TFAP2E: variants seen among roughly 807,000 people sequenced by gnomAD.
TFAP2E encodes the protein transcription factor AP-2-epsilon.
TFAP2E carries 30 observed loss-of-function variants against 37.9 expected under a neutral mutation model. That is an observed-to-expected ratio of 0.79 (90% confidence interval 0.59 to 1.07). TFAP2E has a LOEUF of 1.07. Ranked by LOEUF, TFAP2E falls within the 50% of genes least tolerant of loss-of-function variation. TFAP2E has a pLI of 0.00. For missense variants in TFAP2E, 567 were observed against 637.9 expected, an observed-to-expected ratio of 0.89 and a Z score of 1.20; for synonymous variants, 318 against 295.8, an observed-to-expected ratio of 1.08 and a Z score of -0.77.
chr1:35,585,684 T>C (rs1649461522), intron 3 of TFAP2E, among the ~76,000 whole-genome samples: 1 of 152,194 alleles, frequency 6.6e-6, no homozygotes, highest in Non-Finnish European at 1.5e-5. Flanking sequence ...AAATAAAATA[T>C]ACTAAATAGT....
At chr1:35,591,031 C>T (rs1649656159) in intron 6 of TFAP2E, among the ~76,000 whole-genome samples, 1 of 152,110 alleles carries the variant, frequency 6.6e-6, no homozygotes, top group Non-Finnish European at 1.5e-5. Flanking sequence ...CCACTGTGTA[C>T]ACGAGCAGTG....
rs370956663 is a variant in TFAP2E at position 35,573,646 on chromosome 1, G to A, written c.27+42G>A. On this transcript the variant is annotated intron_variant, in intron 1 of 6. Coordinates refer to ENST00000373235, the MANE Select transcript of TFAP2E (RefSeq NM_178548.4). The surrounding 1 kb of genome is among the most constrained non-coding windows in gnomAD (Gnocchi z 5.9). ...CCGGGACATATTCGGCCGGGGGATC[G>A]GGGCGCCTGAGTGCTGGACTTTCCA... 3.3e-6 allele frequency: 5 copies of A among 1,536,066 alleles called. No homozygotes were observed. The East Asian group carries it at 1.3e-4, about 39-fold the overall frequency.
At chr1:35,589,736 G>T (rs557143781) in intron 4 of TFAP2E, among the ~76,000 whole-genome samples, 194 bp from the exon 5 acceptor site, 1 of 152,206 alleles carries the variant, frequency 6.6e-6, no homozygotes, top group Admixed American at 6.5e-5. Flanking sequence ...TGGCCCCCCT[G>T]CCTCTGTCTT....
Position 35,573,469 on chromosome 1 carries a change from A to C in TFAP2E, c.-109A>C. On this transcript the variant is annotated 5_prime_UTR_variant, in exon 1 of 7. Coordinates refer to ENST00000373235, the MANE Select transcript of TFAP2E (RefSeq NM_178548.4). The surrounding 1 kb of genome is among the most constrained non-coding windows in gnomAD (Gnocchi z 5.9). Reference sequence around the variant, plus strand: ...CGGCTGGGTCGCACCCAGCTACCGCACCGTGACCTCCGCGGGCTGTGCCGG... The same window carrying C: ...CGGCTGGGTCGCACCCAGCTACCGCCCCGTGACCTCCGCGGGCTGTGCCGG... The C allele has an allele frequency of 7.4e-7, 1 of 1,349,182 alleles. No homozygotes were observed. The highest frequency in any genetic ancestry group is 9.6e-7 in the Non-Finnish European group (1 of 1,043,482). The allele number at this position is 1,349,182 out of a possible 1,614,324, so 83.6% of individuals were successfully genotyped here.
At chr1:35,580,021 A>G (rs1319493758) in intron 3 of TFAP2E, among the ~76,000 whole-genome samples, 1 of 148,810 alleles carries the variant, frequency 6.7e-6, no homozygotes, top group Non-Finnish European at 1.5e-5. Flanking sequence ...AGCCTGACCA[A>G]CATGGTGAAA....
chr1:35,576,679 C>T (rs1439999366), intron 3 of TFAP2E, among the ~76,000 whole-genome samples: 4 of 152,206 alleles, frequency 2.6e-5, no homozygotes, highest in Non-Finnish European at 4.4e-5. Context: ...AACCCGGAAC[C>T]CCGGTCCGAA....
Position 35,590,665 on chromosome 1 carries a change from T to C in TFAP2E, c.936T>C (p.Gly312=). 6.5e-7 allele frequency: 1 copy of C among 1,546,212 alleles called. No individual in the cohort carries two copies. Among genetic ancestry groups the C allele is most frequent in the South Asian group, 1.2e-5 (1 of 82,370 alleles). ...CCGTGCACCTGGCCCGAGACTTCGG[T>C]TACGTCTGTGAGACGGAGTTCCCAG... ...GEAVHLARDF[G]YVCETEFPAK... The change falls in exon 6 of 7, where the codon GGT becomes GGC. Residue 312 remains glycine, a synonymous_variant. Coordinates refer to ENST00000373235, the MANE Select transcript of TFAP2E (RefSeq NM_178548.4). This position sits in a 1 kb window ranked among gnomAD's most constrained non-coding sequence, Gnocchi z 6.2.
intron 3 of TFAP2E, among the ~76,000 whole-genome samples, chr1:35,585,357 C>A (rs1649454908): frequency 6.6e-6 from 1 of 152,202 alleles, no homozygotes; most frequent in South Asian, 2.1e-4. Context: ...AAACCAGGAG[C>A]TTTGTGTCTT....
At chr1:35,585,503 C>G (rs889654711) in intron 3 of TFAP2E, among the ~76,000 whole-genome samples, 1 of 152,112 alleles carries the variant, frequency 6.6e-6, no homozygotes, top group Admixed American at 6.5e-5. Flanking sequence ...ACTATAGCCA[C>G]GAGTGGCTCT....
rs1359223555 is a variant in TFAP2E at position 35,590,133 on chromosome 1, G to GT, written c.904+86dup. The GT allele has an allele frequency of 4.1e-6, 5 of 1,216,920 alleles. No homozygotes were observed. In the Admixed American group the frequency reaches 8.8e-5, roughly 21 times the overall value. 75.4% of individuals were successfully genotyped at this position (1,216,920 alleles called of 1,614,324 possible). ...GTGACTGTCTCTAATGCAGGAGGGTGTGTTTAGTGGTGTGTGTGTATCCGT... is the reference window on the plus strand; with the variant it reads ...GTGACTGTCTCTAATGCAGGAGGGTGTTGTTTAGTGGTGTGTGTGTATCCGT... On this transcript the variant is annotated intron_variant, in intron 5 of 6. Transcript: ENST00000373235. The surrounding 1 kb of genome is among the most constrained non-coding windows in gnomAD (Gnocchi z 6.2).
chr1:35,580,446 C>T (rs1649316714), intron 3 of TFAP2E, among the ~76,000 whole-genome samples: 3 of 151,992 alleles, frequency 2.0e-5, no homozygotes. Context: ...GCATCAGGAC[C>T]CCCAGGGGGT....
rs546522795 is a variant in TFAP2E, at chr1:35,590,140, G to A, written c.904+92G>A. ...TCTCTAATGCAGGAGGGTGTGTTTA[G>A]TGGTGTGTGTGTATCCGTGTAAGTG... On this transcript the variant is annotated intron_variant, in intron 5 of 6. Coordinates refer to ENST00000373235, the MANE Select transcript of TFAP2E (RefSeq NM_178548.4). The surrounding 1 kb of genome is among the most constrained non-coding windows in gnomAD (Gnocchi z 6.2). 1.6e-5 allele frequency: 18 copies of A among 1,148,508 alleles called. No individual in the cohort carries two copies. Among genetic ancestry groups the A allele is most frequent in the African/African-American group, 6.1e-5 (4 of 66,018 alleles). The allele number at this position is 1,148,508 out of a possible 1,614,324, so 71.1% of individuals were successfully genotyped here. A position where few individuals can be genotyped will look rare whatever the true frequency, so the allele number is the denominator to read the frequency against.
At chr1:35,583,356 C>T (rs1649401964) in intron 3 of TFAP2E, among the ~76,000 whole-genome samples, 1 of 152,166 alleles carries the variant, frequency 6.6e-6, no homozygotes, top group Middle Eastern at 3.4e-3. Flanking sequence ...GTTGTCCAGG[C>T]TGGTCTCAAA....
rs1197104575 is a variant in TFAP2E, at chr1:35,588,979, G to GTC, written c.785+428_785+429insCT. 3.3e-5 allele frequency among the ~76,000 whole-genome samples: 5 copies of GTC among 152,112 alleles called. No individual in the cohort carries two copies. The highest frequency in any genetic ancestry group is 1.2e-4 in the African/African-American group (5 of 41,406). ...GTCCATGGTTCATCTTCCTAGACCT[G>GTC]TGTCTCTCTCTCTCTGTGCATGTCT... On this transcript the variant is annotated intron_variant, in intron 4 of 6. Transcript: ENST00000373235. The surrounding 1 kb of genome is among the most constrained non-coding windows in gnomAD (Gnocchi z 5.1).
At chr1:35,576,769 G>T (rs562204047) in intron 3 of TFAP2E, among the ~76,000 whole-genome samples, 2 of 152,292 alleles carry the variant, frequency 1.3e-5, no homozygotes, top group South Asian at 4.1e-4. Context: ...AGATCCTAGG[G>T]GTACGCCGAA....
At chr1:35,595,363 G>C (rs1247299719), downstream of TFAP2E, 1 of 150,544 alleles carries the variant, frequency 6.6e-6, no homozygotes, top group Non-Finnish European at 1.5e-5. Flanking sequence ...AATGAGTTGG[G>C]GATTCATTTC....
Position 35,590,560 on chromosome 1 carries a change from G to A in TFAP2E, c.905-74G>A. 3.6e-6 allele frequency: 5 copies of A among 1,387,540 alleles called. No homozygotes were observed. Among genetic ancestry groups the A allele is most frequent in the Non-Finnish European group, 4.7e-6 (5 of 1,056,940 alleles). The allele number at this position is 1,387,540 out of a possible 1,614,324, so 86.0% of individuals were successfully genotyped here. On this transcript the variant is annotated intron_variant, in intron 5 of 6. Transcript: ENST00000373235. The surrounding 1 kb of genome is among the most constrained non-coding windows in gnomAD (Gnocchi z 6.2). The stretch of plus-strand genomic sequence containing the variant: ...GATGGGGCAGGATACCCCTGACCAG[G>A]GGGTCAGAGGTTCAAAGCTGTGTTC...
chr1:35,589,340 C>T (rs1256352610), intron 4 of TFAP2E, among the ~76,000 whole-genome samples: 1 of 151,626 alleles, frequency 6.6e-6, no homozygotes, highest in Non-Finnish European at 1.5e-5. Flanking sequence ...TTACTCCTAG[C>T]GTCTTGGAGG....
Position 35,577,201 on chromosome 1 carries a change from G to A in TFAP2E, c.562+2201G>A. 1 of 359,820 alleles carries A rather than the reference G, an allele frequency of 2.8e-6. No individual in the cohort carries two copies. Among genetic ancestry groups the A allele is most frequent in the Non-Finnish European group, 5.5e-6 (1 of 180,520 alleles). The allele number at this position is 359,820 out of a possible 1,614,324, so 22.3% of individuals were successfully genotyped here. A position where few individuals can be genotyped will look rare whatever the true frequency, so the allele number is the denominator to read the frequency against. On this transcript the variant is annotated intron_variant, in intron 3 of 6. Coordinates refer to ENST00000373235, the MANE Select transcript of TFAP2E (RefSeq NM_178548.4). This position sits in a 1 kb window ranked among gnomAD's most constrained non-coding sequence, Gnocchi z 6.3. ...GGGCACAGTTGGATCCGGAGGTCGTGACCCAGGGGAAAGCGTGGGCGGTCG... is the reference window on the plus strand; with the variant it reads ...GGGCACAGTTGGATCCGGAGGTCGTAACCCAGGGGAAAGCGTGGGCGGTCG...
Sources: gnomAD v4.1 joint callset for allele counts (sites outside exome capture counted in the v4.1 genomes callset) on GRCh38, gnomAD v4.1.1 for gene constraint, Gnocchi (gnomAD v3.1) non-coding constraint, MANE v1.5 for transcripts, NCBI Gene and HGNC (gene_info 2026-07-23, HGNC 2026-07-21) for gene names.